Variants in PARVB observed in about 807,000 individuals in gnomAD.
The protein encoded by PARVB is beta-parvin.
PARVB carries 46 observed loss-of-function variants against 47.0 expected under a neutral mutation model. The observed-to-expected ratio is 0.98, with a 90% CI of 0.77 to 1.25. PARVB has a LOEUF of 1.25. Ranked by LOEUF, PARVB falls within the 50% of genes most tolerant of loss-of-function variation. The pLI is 0.00. For synonymous variants in PARVB, 196 were observed against 196.3 expected (o/e 1.00, Z 0.01); for missense variants, 473 against 471.6 (o/e 1.00, Z -0.03).
At chr22:44,059,860 C>T (rs977555207) in intron 1 of PARVB, among the ~76,000 whole-genome samples, 9 of 152,116 alleles carry the variant, frequency 5.9e-5, no homozygotes, top group South Asian at 2.1e-4. Context: ...TTTGGCGGGG[C>T]GTGTTTGCTC....
At chr22:44,018,594 C>T (rs2050610434) in intron 2 of PARVB, among the ~76,000 whole-genome samples, 1 of 152,158 alleles carries the variant, frequency 6.6e-6, no homozygotes, top group East Asian at 1.9e-4. Context: ...TCTTTGTCCC[C>T]CACTTCCATG....
chr22:43,999,496 G>A, intron 1 of PARVB: 1 of 1,548,082 alleles, frequency 6.5e-7, no homozygotes, highest in Non-Finnish European at 8.9e-7. Flanking sequence ...TTGAGAAACT[G>A]GATCCGACAA....
intron 2 of PARVB, among the ~76,000 whole-genome samples, chr22:44,002,643 C>A (rs535948458): frequency 8.5e-5 from 13 of 152,188 alleles, no homozygotes; most frequent in African/African-American, 3.1e-4. Context: ...CACAGGAGAA[C>A]ACTGTAAAGA....
At chr22:44,008,852 G>T (rs2050494431) in intron 2 of PARVB, among the ~76,000 whole-genome samples, 2 of 152,102 alleles carry the variant, frequency 1.3e-5, no homozygotes, top group South Asian at 2.1e-4. Context: ...AGCTGGGTGT[G>T]GGGGTGGGTG....
chr22:44,037,381 C>T (rs2050940744), intron 1 of PARVB, among the ~76,000 whole-genome samples: 3 of 152,126 alleles, frequency 2.0e-5, no homozygotes, highest in Admixed American at 1.3e-4. Context: ...TGAGATCGTG[C>T]CACTTTGCTC....
Position 44,141,283 on chromosome 22 carries a change from G to A in PARVB, c.712+1140G>A, listed in dbSNP as rs1007849711. ...ATACGATAGATAGATATATATAAAGGGGAGTTTACTAAGGGTATTAACTCA... is the reference window on the plus strand; with the variant it reads ...ATACGATAGATAGATATATATAAAGAGGAGTTTACTAAGGGTATTAACTCA... On this transcript the variant is annotated intron_variant, in intron 8 of 12. Coordinates refer to ENST00000338758, the MANE Select transcript of PARVB (RefSeq NM_013327.5). 6.6e-5 allele frequency: 10 copies of A among 152,312 alleles called. No individual in the cohort carries two copies. In the East Asian group the frequency reaches 1.2e-3, roughly 18 times the overall value. 9.4% of individuals were successfully genotyped at this position (152,312 alleles called of 1,614,324 possible).
chr22:44,083,202 G>C (rs2051947237), intron 1 of PARVB, among the ~76,000 whole-genome samples: 1 of 152,198 alleles, frequency 6.6e-6, no homozygotes, highest in South Asian at 2.1e-4. Flanking sequence ...CTGGAGGTGG[G>C]ATGCTGTGTG....
intron 10 of PARVB, chr22:44,152,868 T>C (rs567231013): frequency 4.6e-5 from 7 of 152,356 alleles, no homozygotes; most frequent in African/African-American, 1.7e-4. Flanking sequence ...TTCCCTTCTC[T>C]TTCTTTAACT....
intron 1 of PARVB, among the ~76,000 whole-genome samples, chr22:44,047,222 G>C (rs1411418307): frequency 6.6e-6 from 1 of 152,180 alleles, no homozygotes; most frequent in East Asian, 1.9e-4. Flanking sequence ...TCTGGTTCTG[G>C]GGAGGCCTCA....
In PARVB at chr22:44,168,986, G is replaced by A. The variant is rs534498799; in HGVS notation, c.*308G>A. ...TGGGATGATGAGTCCGTTGTTGTCT[G>A]CCTTGGCCGAAAGATGAAAAAAAGC... is the stretch of plus-strand genomic sequence containing the variant. On this transcript the variant is annotated 3_prime_UTR_variant, in exon 13 of 13. Coordinates refer to ENST00000338758, the MANE Select transcript of PARVB (RefSeq NM_013327.5). 8.2e-4 allele frequency: 216 copies of A among 263,384 alleles called. No individual in the cohort carries two copies. The highest frequency in any genetic ancestry group is 4.5e-3 in the African/African-American group (207 of 45,952). The allele number at this position is 263,384 out of a possible 1,614,324, so 16.3% of individuals were successfully genotyped here. A position where few individuals can be genotyped will look rare whatever the true frequency, so the allele number is the denominator to read the frequency against.
chr22:44,072,264 A>G (rs1714526851), intron 1 of PARVB, among the ~76,000 whole-genome samples: 3 of 151,984 alleles, frequency 2.0e-5, no homozygotes, highest in Admixed American at 2.0e-4. Flanking sequence ...CCCCTGAAAG[A>G]TAGTTTCTGT....
At chr22:44,102,895 G>A (rs942251347) in intron 3 of PARVB, 1 of 152,402 alleles carries the variant, frequency 6.6e-6, no homozygotes, top group African/African-American at 2.4e-5. Flanking sequence ...CCAGGTGCTG[G>A]GGTTAGTGAT....
chr22:44,146,502 C>G (rs1466021805), intron 8 of PARVB: 1 of 152,426 alleles, frequency 6.6e-6, no homozygotes, highest in Admixed American at 6.5e-5. Context: ...ACCACCTCCA[C>G]AAGGCCACGG....
chr22:44,157,911 C>A, intron 10 of PARVB, 71 bp from the exon 11 acceptor site: 2 of 1,055,754 alleles, frequency 1.9e-6, no homozygotes, highest in Non-Finnish European at 3.0e-6. Flanking sequence ...AAATATGCCC[C>A]CCTTAAGTTT....
At chr22:44,142,356 T>C (rs2053569192) in intron 8 of PARVB, 1 of 111,466 alleles carries the variant, frequency 9.0e-6, no homozygotes, top group Non-Finnish European at 1.6e-5. Flanking sequence ...CCAGCCTGAG[T>C]GACAGAGCAA....
chr22:44,098,648 G>C (rs932504350), intron 2 of PARVB, among the ~76,000 whole-genome samples: 1 of 152,078 alleles, frequency 6.6e-6, no homozygotes, highest in African/African-American at 2.4e-5. Context: ...CAGGACTCCC[G>C]AGAACTCCCT....
In PARVB at chr22:44,014,128, C is replaced by T. The variant is rs1192587971; in HGVS notation, c.211+14455C>T. Among the ~76,000 whole-genome samples, 3 of 152,186 alleles carry T rather than the reference C, an allele frequency of 2.0e-5. No individual in the cohort carries two copies. In the East Asian group the frequency reaches 5.8e-4, roughly 29 times the overall value. ...GTTCCAGCATGTATTGTTCAAGGGT[C>T]CTGTGTTTGGGTACTATACACAGAG... On this transcript the variant is annotated intron_variant, in intron 2 of 13. Coordinates refer to the PARVB transcript ENST00000406477.
intron 9 of PARVB, chr22:44,150,989 G>A (rs925100010): frequency 1.2e-4 from 15 of 129,216 alleles, no homozygotes; most frequent in African/African-American, 3.9e-4. Context: ...CCGAGATCAC[G>A]CCACTGCACT....
intron 3 of PARVB, chr22:44,108,278 G>A (rs1223009427): frequency 6.6e-6 from 1 of 152,228 alleles, no homozygotes; most frequent in East Asian, 1.9e-4. Flanking sequence ...CTGAGGTGAG[G>A]GCCCTGATTT....
Sources: gnomAD v4.1 joint callset for allele counts (sites outside exome capture counted in the v4.1 genomes callset) on GRCh38, gnomAD v4.1.1 for gene constraint, MANE v1.5 for transcripts, NCBI Gene and HGNC (gene_info 2026-07-23, HGNC 2026-07-21) for gene names.